Variants in SNAP29 observed in about 807,000 individuals in gnomAD.
SNAP29 encodes the protein synaptosome associated protein 29, also known as synaptosomal-associated protein 29.
Under a neutral mutation model 27.9 loss-of-function variants are expected in SNAP29, and 13 were observed. The ratio of observed to expected loss-of-function variants is 0.47; its 90% CI spans 0.30 to 0.74. SNAP29 has a LOEUF of 0.74. Among genes scored for constraint, SNAP29 ranks in the 30% least tolerant of loss-of-function variants. The pLI is 0.06. For synonymous variants in SNAP29, 119 were observed against 127.1 expected, an observed-to-expected ratio of 0.94 and a Z score of 0.43; for missense variants, 368 against 336.5, an observed-to-expected ratio of 1.09 and a Z score of -0.73.
intron 1 of SNAP29, among the ~76,000 whole-genome samples, chr22:20,869,022 A>G (rs1476083413): frequency 1.3e-5 from 2 of 152,096 alleles, no homozygotes; most frequent in African/African-American, 2.4e-5. Context: ...CATGCCTGTA[A>G]TCCCAGCACT....
chr22:20,864,329 G>A (rs186615641), intron 1 of SNAP29, among the ~76,000 whole-genome samples: 5 of 152,274 alleles, frequency 3.3e-5, no homozygotes, highest in African/African-American at 7.2e-5. Flanking sequence ...ACACCGTCTC[G>A]TGCAGGGGCC....
Position 20,890,330 on chromosome 22 carries a change from C to A in SNAP29, c.*2494C>A, listed in dbSNP as rs958845967. ...GGAGACAAGCAAAATGGTGCCAGGG[C>A]TGGGCTGACTGTGGGATGGGATTTG... On this transcript the variant is annotated 3_prime_UTR_variant, in exon 5 of 5. Transcript: ENST00000215730. 1 of 398,584 alleles carries A rather than the reference C, an allele frequency of 2.5e-6. No homozygotes were observed. Among genetic ancestry groups the A allele is most frequent in the Non-Finnish European group, 4.4e-6 (1 of 226,050 alleles). 24.7% of individuals were successfully genotyped at this position (398,584 alleles called of 1,614,324 possible). A position where few individuals can be genotyped will look rare whatever the true frequency, so the allele number is the denominator to read the frequency against.
intron 1 of SNAP29, among the ~76,000 whole-genome samples, chr22:20,865,045 C>CT (rs1223801204): frequency 6.6e-6 from 1 of 152,198 alleles, no homozygotes; most frequent in Non-Finnish European, 1.5e-5. Flanking sequence ...TTTTGGTAAA[C>CT]TATCAATGAT....
chr22:20,883,291 C>T (rs1253802648), intron 3 of SNAP29, among the ~76,000 whole-genome samples, 180 bp from the exon 4 acceptor site: 6 of 152,152 alleles, frequency 3.9e-5, no homozygotes, highest in African/African-American at 1.4e-4. Context: ...CCCGTGGAAG[C>T]GTCTCTTCTT....
At position 20,890,758 on chromosome 22, in the gene SNAP29, C is replaced by CAAAAAAAA. The variant is rs361606; in HGVS notation, c.*2937_*2944dup. 1.1e-5 allele frequency: 1 copy of CAAAAAAAA among 88,612 alleles called. No individual in the cohort carries two copies. 5.5% of individuals were successfully genotyped at this position (88,612 alleles called of 1,614,324 possible). ...TGGGCAACAGAGCAAGACTCCGTCT[C>CAAAAAAAA]AAAAAAAAAAAAAAAAAAAAAATAG... On this transcript the variant is annotated 3_prime_UTR_variant, in exon 5 of 5. Transcript: ENST00000215730.
intron 1 of SNAP29, among the ~76,000 whole-genome samples, chr22:20,863,793 G>GCAGC (rs929566835): frequency 2.0e-5 from 3 of 152,036 alleles, no homozygotes; most frequent in Admixed American, 2.0e-4. Flanking sequence ...TGCCCCTAAG[G>GCAGC]CAGCCAGGCA....
chr22:20,869,788 C>T (rs955398714), intron 1 of SNAP29, among the ~76,000 whole-genome samples: 3 of 151,902 alleles, frequency 2.0e-5, no homozygotes, highest in South Asian at 2.1e-4. Flanking sequence ...CACCCCCAAC[C>T]GAGACGGAGT....
At position 20,888,898 on chromosome 22, in the gene SNAP29, G is replaced by A. The variant is rs889904652; in HGVS notation, c.*1062G>A. 2.6e-5 allele frequency: 4 copies of A among 152,136 alleles called. No individual in the cohort carries two copies. The highest frequency in any genetic ancestry group is 7.2e-5 in the African/African-American group (3 of 41,432). 9.4% of individuals were successfully genotyped at this position (152,136 alleles called of 1,614,324 possible). A position where few individuals can be genotyped will look rare whatever the true frequency, so the allele number is the denominator to read the frequency against. ...TTAGGACTGGCACTCTATAAATGAC[G>A]CTGACTTTGTATAGAAGGATTTTGC... On this transcript the variant is annotated 3_prime_UTR_variant, in exon 5 of 5. Transcript: ENST00000215730.
At chr22:20,877,911 A>G (rs1928787676) in intron 2 of SNAP29, among the ~76,000 whole-genome samples, 1 of 152,226 alleles carries the variant, frequency 6.6e-6, no homozygotes, top group Non-Finnish European at 1.5e-5. Context: ...TACTCCCAGC[A>G]TGGCAATGCA....
At chr22:20,875,855 G>A (rs1356737443) in intron 2 of SNAP29, among the ~76,000 whole-genome samples, 4 of 150,442 alleles carry the variant, frequency 2.7e-5, no homozygotes, top group African/African-American at 7.3e-5. Flanking sequence ...TTACATGGAC[G>A]ACCAAAAAAA....
chr22:20,876,469 G>T (rs1426235757), intron 2 of SNAP29, among the ~76,000 whole-genome samples: 2 of 151,170 alleles, frequency 1.3e-5, no homozygotes, highest in East Asian at 3.9e-4. Flanking sequence ...TGTCTCCCAG[G>T]CTGATCTCAA....
intron 1 of SNAP29, among the ~76,000 whole-genome samples, chr22:20,866,193 G>A (rs375504289): frequency 6.6e-6 from 1 of 152,192 alleles, no homozygotes; most frequent in Non-Finnish European, 1.5e-5. Context: ...CACAGACGGC[G>A]AGGGGCACCA....
Position 20,859,010 on chromosome 22 carries a change from C to G in SNAP29, c.-101C>G, listed in dbSNP as rs1422039888. ...CTGCGCGCGACGCGCGGAAGGAGTT[C>G]GCGCGACGACCGCGGGGTCGGCGGG... On this transcript the variant is annotated 5_prime_UTR_variant, in exon 1 of 5. Transcript: ENST00000215730. 3 of 1,359,036 alleles carry G rather than the reference C, an allele frequency of 2.2e-6. No homozygotes were observed. Among genetic ancestry groups the G allele is most frequent in the East Asian group, 2.6e-5 (1 of 38,160 alleles). 84.2% of individuals were successfully genotyped at this position (1,359,036 alleles called of 1,614,324 possible).
rs1363748977 is a variant in SNAP29 at position 20,888,311 on chromosome 22, T to TCTCACACACACACACACA, written c.*476_*477insTCACACACACACACACAC. On this transcript the variant is annotated 3_prime_UTR_variant, in exon 5 of 5. Transcript: ENST00000215730. ...CACACCTTTGTTTAGGAGTCATCAT[T>TCTCACACACACACACACA]CACACACACACACACACACACACAC... 1.7e-5 allele frequency: 3 copies of TCTCACACACACACACACA among 173,888 alleles called. No individual in the cohort carries two copies. The highest frequency in any genetic ancestry group is 1.0e-4 in the African/African-American group (3 of 29,738). The allele number at this position is 173,888 out of a possible 1,614,324, so 10.8% of individuals were successfully genotyped here.
rs1296029588 is a variant in SNAP29 at position 20,888,947 on chromosome 22, C to G, written c.*1111C>G. 1.3e-5 allele frequency: 2 copies of G among 152,186 alleles called. No individual in the cohort carries two copies. The highest frequency in any genetic ancestry group is 6.5e-5 in the Admixed American group (1 of 15,270). The allele number at this position is 152,186 out of a possible 1,614,324, so 9.4% of individuals were successfully genotyped here. Reference sequence around the variant, plus strand: ...GCTAAGGGGGCAAAAAGCCCAGATACCATTTTAACTGGCCCAGTTCATTTT... The same window carrying G: ...GCTAAGGGGGCAAAAAGCCCAGATAGCATTTTAACTGGCCCAGTTCATTTT... On this transcript the variant is annotated 3_prime_UTR_variant, in exon 5 of 5. Transcript: ENST00000215730.
chr22:20,870,712 T>C, intron 2 of SNAP29, 179 bp downstream of exon 2: 2 of 674,302 alleles, frequency 3.0e-6, no homozygotes, highest in Non-Finnish European at 5.3e-6. Flanking sequence ...CCTGATCCCA[T>C]GTTCACTTGA....
chr22:20,871,482 T>TAAAAAA (rs58294079), intron 2 of SNAP29, among the ~76,000 whole-genome samples: 1 of 64,120 alleles, frequency 1.6e-5, no homozygotes. Context: ...TCCCTGTCTC[T>TAAAAAA]AAAAAAAAAA....
Position 20,859,044 on chromosome 22 carries a change from G to T in SNAP29, c.-67G>T. On this transcript the variant is annotated 5_prime_UTR_variant, in exon 1 of 5. In the 5' UTR this introduces an upstream ATG that the reference lacks. Transcript: ENST00000215730. ...ACCGCGGGGTCGGCGGGCGGGGCGA[G>T]GCCCTGGACGGCGGCGGCAGTGGGG... 1.4e-6 allele frequency: 2 copies of T among 1,428,626 alleles called. No individual in the cohort carries two copies. The highest frequency in any genetic ancestry group is 1.4e-5 in the African/African-American group (1 of 71,376). 88.5% of individuals were successfully genotyped at this position (1,428,626 alleles called of 1,614,324 possible).
rs374174492 is a variant in SNAP29 at position 20,870,368 on chromosome 22, G to T, written c.269G>T (p.Arg90Leu). ...ELARQRGVLE[R>L]TEKMVDKMDQ... ...GCCCGTCAGCGAGGAGTCCTGGAGC[G>T]CACAGAGAAGATGGTGGACAAGATG... The change falls in exon 2 of 5, where the codon CGC becomes CTC. Residue 90 changes from arginine to leucine, a missense_variant. By Grantham distance (102) the Arg-to-Leu change is moderately radical. Coordinates refer to ENST00000215730, the MANE Select transcript of SNAP29 (RefSeq NM_004782.4). The T allele has an allele frequency of 3.1e-6, 5 of 1,614,144 alleles. No individual in the cohort carries two copies. The highest frequency in any genetic ancestry group is 2.7e-5 in the African/African-American group (2 of 75,038).
Sources: gnomAD v4.1 joint callset for allele counts (sites outside exome capture counted in the v4.1 genomes callset) on GRCh38, gnomAD v4.1.1 for gene constraint, MANE v1.5 for transcripts, NCBI Gene and HGNC (gene_info 2026-07-23, HGNC 2026-07-21) for gene names.